Variants in TTN observed in about 807,000 individuals in gnomAD.
TTN encodes the protein connectin.
TTN carries 1,525 observed loss-of-function variants against 3,223.0 expected under a neutral mutation model. That is an observed-to-expected ratio of 0.47 (90% CI 0.45 to 0.49). TTN has a LOEUF of 0.49. Ranked by LOEUF, TTN falls within the 20% of genes least tolerant of loss-of-function variation. The probability of loss-of-function intolerance (pLI) is 0.00; values close to 1 mark genes in which losing one functional copy is unlikely to be tolerated. For synonymous variants in TTN, 14,094 were observed against 15,161.0 expected (o/e 0.93, Z 5.17); for missense variants, 40,786 against 43,424.0 (o/e 0.94, Z 5.40).
rs1690411709 is a variant in TTN, at chr2:178,534,178, A to G, written c.102437T>C (p.Val34146Ala). ...GPVSGQIMHA[V>A]GEEGGHVKYV... is the part of the protein sequence containing the mutation. Reference sequence around the variant, plus strand: ...TTTGACATGTCCTCCTTCTTCACCAACTGCATGCATTATCTGCCCAGAAAC... The same window carrying G: ...TTTGACATGTCCTCCTTCTTCACCAGCTGCATGCATTATCTGCCCAGAAAC... The change falls in exon 358 of 363, where the codon GTT (valine) becomes GCT (alanine). Residue 34146 changes from valine (V) to alanine (A), a missense_variant. Transcript: ENST00000589042. The G allele has an allele frequency of 6.2e-7, 1 of 1,613,892 alleles. No individual in the cohort carries two copies. Among genetic ancestry groups the G allele is most frequent in the Non-Finnish European group, 8.5e-7 (1 of 1,179,846 alleles).
intron 270 of TTN, among the ~76,000 whole-genome samples, chr2:178,610,663 C>G (rs901545433): frequency 2.0e-5 from 3 of 151,892 alleles, no homozygotes; most frequent in Non-Finnish European, 4.4e-5. Flanking sequence ...GTTACTATCC[C>G]TGGTTAAGAA....
rs1707474479 is a variant in TTN at position 178,569,805 on chromosome 2, C to G, written c.76327G>C (p.Glu25443Gln). 6.2e-7 allele frequency: 1 copy of G among 1,613,222 alleles called. No individual in the cohort carries two copies. Among genetic ancestry groups the G allele is most frequent in the Non-Finnish European group, 8.5e-7 (1 of 1,179,612 alleles). The change falls in exon 326 of 363, where the codon GAA (glutamate) becomes CAA (glutamine). Residue 25443 changes from glutamate (E) to glutamine (Q), a missense_variant. Glu to Gln is a conservative substitution (Grantham distance 29, BLOSUM62 2). Coordinates refer to ENST00000589042, the MANE Select transcript of TTN (RefSeq NM_001267550.2). ...GGCEIQGYIV[E>Q]KCDVSVGEWT... ...TCACCAACACTCACATCACATTTTT[C>G]AACAATGTATCCTTGAATTTCACAG... is the stretch of plus-strand genomic sequence containing the variant.
In TTN at chr2:178,709,557, A is replaced by G. The variant is rs2076355695; in HGVS notation, c.28753+9T>C. Reference sequence around the variant, plus strand: ...AACACAACAGGTTGGGGCTGTGAGGATAACTCACCTTTGATGACGATTGAA... The same window carrying G: ...AACACAACAGGTTGGGGCTGTGAGGGTAACTCACCTTTGATGACGATTGAA... On this transcript the variant is annotated intron_variant, in intron 99 of 362. Coordinates refer to ENST00000589042, the MANE Select transcript of TTN (RefSeq NM_001267550.2). 6.3e-7 allele frequency: 1 copy of G among 1,599,540 alleles called. No individual in the cohort carries two copies. The highest frequency in any genetic ancestry group is 8.6e-7 in the Non-Finnish European group (1 of 1,168,360).
Position 178,599,067 on chromosome 2 carries a change from G to A in TTN, c.56648-5C>T, listed in dbSNP as rs1320848644. 6.5e-7 allele frequency: 1 copy of A among 1,531,058 alleles called. No homozygotes were observed. The highest frequency in any genetic ancestry group is 2.3e-5 in the East Asian group (1 of 43,248). 94.8% of individuals were successfully genotyped at this position (1,531,058 alleles called of 1,614,324 possible). A position where few individuals can be genotyped will look rare whatever the true frequency, so the allele number is the denominator to read the frequency against. On this transcript the variant is annotated splice_region_variant and splice_polypyrimidine_tract_variant and intron_variant, in intron 290 of 362. Coordinates refer to ENST00000589042, the MANE Select transcript of TTN (RefSeq NM_001267550.2). ...TATCTGGTGCTCCAGGGACAGCTGT[G>A]AAAAAGATCATATTGATTATAAGAA...
intron 146 of TTN, 74 bp from the exon 147 acceptor site, chr2:178,677,361 T>TATATATATATATATA (rs1560296885): frequency 5.8e-6 from 3 of 515,016 alleles, no homozygotes; most frequent in African/African-American, 2.3e-5. Context: ...TATATATATA[T>TATATATATATATATA]GAAAGAGACA....
At chr2:178,780,733 C>T (rs565402669) in intron 21 of TTN, among the ~76,000 whole-genome samples, 2 of 152,234 alleles carry the variant, frequency 1.3e-5, no homozygotes, top group South Asian at 4.1e-4. Context: ...CTGGTAACAG[C>T]CTGGTGCATG....
chr2:178,542,326 G>A lies in TTN; in HGVS notation c.97430C>T (p.Thr32477Ile). Residue 32477 changes from threonine to isoleucine, a missense_variant, in exon 349 of 363, where the codon ACA (threonine) becomes ATA (isoleucine). Thr to Ile is a moderately conservative substitution (Grantham distance 89). Coordinates refer to ENST00000589042, the MANE Select transcript of TTN (RefSeq NM_001267550.2). ...GTAAGAGCCAATCCCGAAGCGGTTT[G>A]TTGCAGCCACACGGAACACATACTC... ...GNEYVFRVAA[T>I]NRFGIGSYLQ... is the part of the protein sequence containing the mutation. The A allele has an allele frequency of 1.9e-6, 3 of 1,613,184 alleles. No individual in the cohort carries two copies. The highest frequency in any genetic ancestry group is 2.5e-6 in the Non-Finnish European group (3 of 1,179,530).
rs1276864550 is a variant in TTN at position 178,566,295 on chromosome 2, G to A, written c.79837C>T (p.His26613Tyr). Residue 26613 changes from histidine to tyrosine, a missense_variant, in exon 326 of 363, where the codon CAC becomes TAC. His to Tyr is a moderately conservative substitution (Grantham distance 83). Transcript: ENST00000589042. ...VVRAGGSARI[H>Y]IPFKGRPTPE... ...GTTGGACGACCTTTGAATGGAATGT[G>A]AATTCTGGCAGATCCACCAGCTCTT... is the stretch of plus-strand genomic sequence containing the variant. 6.2e-7 allele frequency: 1 copy of A among 1,613,664 alleles called. No homozygotes were observed. Among genetic ancestry groups the A allele is most frequent in the Non-Finnish European group, 8.5e-7 (1 of 1,179,698 alleles).
chr2:178,538,587 A>C lies in TTN; in HGVS notation c.99242T>G (p.Leu33081Arg), dbSNP rs773795503. Reference sequence around the variant, plus strand: ...CATAGCAGTTCTGCGAGGTCTGCTCAGCCCAGTCTCATTCTCAGCAAAAAC... The same window carrying C: ...CATAGCAGTTCTGCGAGGTCTGCTCCGCCCAGTCTCATTCTCAGCAAAAAC... ...FRVFAENETG[L>R]SRPRRTAMSI... Residue 33081 changes from leucine to arginine, a missense_variant, in exon 354 of 363, where the codon CTG (leucine) becomes CGG (arginine). By Grantham distance (102) the Leu-to-Arg change is moderately radical. Transcript: ENST00000589042. The C allele has an allele frequency of 6.2e-7, 1 of 1,613,660 alleles. No individual in the cohort carries two copies. The highest frequency in any genetic ancestry group is 8.5e-7 in the Non-Finnish European group (1 of 1,179,686).
At chr2:178,749,857 T>C in intron 47 of TTN, 1 of 1,613,122 alleles carries the variant, frequency 6.2e-7, no homozygotes, top group East Asian at 2.2e-5. Flanking sequence ...CACCAGATAT[T>C]AAACATTCAA....
rs368450420 is a variant in TTN at position 178,601,338 on chromosome 2, C to T, written c.55659G>A (p.Val18553=). The change falls in exon 287 of 363, where the codon GTG becomes GTA. Residue 18553 remains valine (V), a synonymous_variant. Transcript: ENST00000589042. The stretch of plus-strand genomic sequence containing the variant: ...CAATACCAAAACGGTTTTCTGCTCG[C>T]ACACGGAAGAAATATTGCTGTTCAG... ...LLSEQQYFFR[V]RAENRFGIGP... 1.0e-4 allele frequency: 166 copies of T among 1,610,336 alleles called. 1 individual carries two copies. The African/African-American group carries it at 1.8e-3, about 18-fold the overall frequency.
At chr2:178,786,622 G>A (rs1574828326) in intron 13 of TTN, among the ~76,000 whole-genome samples, 1 of 152,172 alleles carries the variant, frequency 6.6e-6, no homozygotes, top group Admixed American at 6.5e-5. Context: ...TGACTACAGA[G>A]TTATATGGTT....
At chr2:178,779,824 T>G (rs754271363) in intron 22 of TTN, 176 bp downstream of exon 22, 6 of 638,574 alleles carry the variant, frequency 9.4e-6, no homozygotes, top group Non-Finnish European at 1.3e-5. Context: ...TAATCTCTAT[T>G]TCTAAACTCA....
rs764678588 is a variant in TTN, at chr2:178,694,000, C to T, written c.31435G>A (p.Val10479Met). Residue 10479 changes from valine (V) to methionine (M), a missense_variant, in exon 118 of 363, where the codon GTG becomes ATG. Transcript: ENST00000589042. ...GAAATAACCATCTTCTTTGTATGCA[C>T]AGCTGGTACTTTAAAGAGAGTATTT... The part of the protein sequence containing the change: ...EEVIEVKVPA[V>M]HTKKMVISEE... 2 of 1,610,360 alleles carry T rather than the reference C, an allele frequency of 1.2e-6. No homozygotes were observed. The highest frequency in any genetic ancestry group is 1.7e-4 in the Middle Eastern group (1 of 6,050).
chr2:178,676,077 A>G, intron 147 of TTN, 82 bp from the exon 148 acceptor site: 11 of 1,322,350 alleles, frequency 8.3e-6, no homozygotes, highest in Non-Finnish European at 1.1e-5. Context: ...ACCCAGAAAG[A>G]CCAATGTGTT....
In TTN at chr2:178,572,598, C is replaced by T; in HGVS notation, c.73534G>A (p.Val24512Ile). Residue 24512 changes from valine (V) to isoleucine (I), a missense_variant, in exon 326 of 363, where the codon GTC becomes ATC. Val to Ile is a conservative substitution (Grantham distance 29). Transcript: ENST00000589042. ...ENSSGSKSAF[V>I]NVRVLDTPGP... ...GGTGTATCGAGAACTCTAACATTGA[C>T]AAATGCAGACTTGCTGCCTGAACTA... is the stretch of plus-strand genomic sequence containing the variant. The T allele has an allele frequency of 6.2e-7, 1 of 1,613,364 alleles. No individual in the cohort carries two copies. Among genetic ancestry groups the T allele is most frequent in the Non-Finnish European group, 8.5e-7 (1 of 1,179,572 alleles).
rs1466849790 is a variant in TTN at position 178,729,480 on chromosome 2, G to A, written c.18676C>T (p.Pro6226Ser). The change falls in exon 64 of 363, where the codon CCT becomes TCT. Residue 6226 changes from proline to serine, a missense_variant. Pro to Ser is a moderately conservative substitution (Grantham distance 74). Transcript: ENST00000589042. ...VELECEVTGTPPFEVTWLKNN... is the reference protein window; with the variant it reads ...VELECEVTGTSPFEVTWLKNN... ...TTCAGCCAAGTGACTTCAAACGGAGGTGTTCCCGTAACTTCACACTCCAGC... is the reference window on the plus strand; with the variant it reads ...TTCAGCCAAGTGACTTCAAACGGAGATGTTCCCGTAACTTCACACTCCAGC... The A allele has an allele frequency of 1.9e-6, 3 of 1,613,586 alleles. No individual in the cohort carries two copies. The African/African-American group carries it at 4.0e-5, about 22-fold the overall frequency.
intron 47 of TTN, chr2:178,750,155 T>C: frequency 3.1e-6 from 5 of 1,613,174 alleles, no homozygotes; most frequent in African/African-American, 1.3e-5. Flanking sequence ...TTTTAACAAA[T>C]GAAGATTTGT....
At position 178,741,716 on chromosome 2, in the gene TTN, CAG is replaced by C; in HGVS notation, c.11515_11516del (p.Leu3839ValfsTer11). 6.2e-7 allele frequency: 1 copy of C among 1,613,722 alleles called. No individual in the cohort carries two copies. Among genetic ancestry groups the C allele is most frequent in the Non-Finnish European group, 8.5e-7 (1 of 1,179,734 alleles). On this transcript the variant is annotated frameshift_variant, in exon 48 of 363. Transcript: ENST00000589042. LOFTEE classifies it high-confidence loss of function. Reference sequence around the variant, plus strand: ...TGGGGATGCCAATGACAGTTACAGACAGTGTAGCCACATCCCCCATGCTTATA... The same window carrying C: ...TGGGGATGCCAATGACAGTTACAGACTGTAGCCACATCCCCCATGCTTATA... ...ADISMGDVATLSVTVIGIPKP... is the reference protein window; with the variant it reads ...ADISMGDVATXSVTVIGIPKP...
Sources: allele counts gnomAD v4.1 joint callset (sites outside exome capture counted in the v4.1 genomes callset), GRCh38; gene constraint gnomAD v4.1.1; transcripts MANE v1.5; gene names NCBI Gene and HGNC (gene_info 2026-07-23, HGNC 2026-07-21).